SPHKAP: variants seen among roughly 807,000 people sequenced by gnomAD.
SPHKAP encodes A-kinase anchor protein SPHKAP.
A neutral mutation model predicts 137.5 loss-of-function variants in SPHKAP; 67 were observed. That is an observed-to-expected ratio of 0.49 (90% CI 0.40 to 0.60). The LOEUF (loss-of-function observed/expected upper bound fraction) is 0.60. SPHKAP is among the 20% of genes least tolerant of loss of function. The pLI is 0.00. For synonymous variants in SPHKAP, 813 were observed against 785.3 expected, an observed-to-expected ratio of 1.04 and a Z score of -0.59; for missense variants, 2,097 against 2,069.3, an observed-to-expected ratio of 1.01 and a Z score of -0.26.
At chr2:228,000,179 C>T (rs1010401295) in intron 7 of SPHKAP, among the ~76,000 whole-genome samples, 1 of 152,176 alleles carries the variant, frequency 6.6e-6, no homozygotes, top group African/African-American at 2.4e-5. Context: ...CATGTAGCGT[C>T]TTAAGATTGG....
chr2:228,180,442 C>G (rs1049529349), intron 1 of SPHKAP, among the ~76,000 whole-genome samples: 1 of 152,136 alleles, frequency 6.6e-6, no homozygotes, highest in East Asian at 1.9e-4. Context: ...CCATGTGTGC[C>G]CTGGCCAGTG....
In SPHKAP at chr2:228,150,623, CT is replaced by C. The variant is rs71299664; in HGVS notation, c.33-18539del. On this transcript the variant is annotated intron_variant, in intron 1 of 11. Transcript: ENST00000392056. ...TCTGTAATATCTATAATGATGTTTA[CT>C]TTTTTTTTCATTTTTATCATTGTTT... is the stretch of plus-strand genomic sequence containing the variant. Among the ~76,000 whole-genome samples the C allele has an allele frequency of 7.5e-5, 9 of 120,612 alleles. No individual in the cohort carries two copies. The East Asian group carries it at 1.4e-3, about 19-fold the overall frequency. 79.1% of individuals were successfully genotyped at this position (120,612 alleles called of 152,430 possible).
In SPHKAP at chr2:228,038,638, C is replaced by T. The variant is rs117523096; in HGVS notation, c.247-11095G>A. On this transcript the variant is annotated intron_variant, in intron 3 of 11. Transcript: ENST00000392056. The stretch of plus-strand genomic sequence containing the variant: ...AAGTATGTATTTTTACATAATTATC[C>T]TTTTTTCTTGAACATAGAAGTAGTG... Among the ~76,000 whole-genome samples the T allele has an allele frequency of 2.1e-3, 315 of 152,124 alleles. 7 individuals carry two copies. The East Asian group carries it at 0.05, about 24-fold the overall frequency.
At chr2:228,112,521 T>A (rs2106352225) in intron 2 of SPHKAP, among the ~76,000 whole-genome samples, 1 of 152,258 alleles carries the variant, frequency 6.6e-6, no homozygotes, top group East Asian at 1.9e-4. Context: ...CGAAACGCAA[T>A]TCACTTGGTG....
chr2:228,137,244 C>T (rs1699462224), intron 1 of SPHKAP, among the ~76,000 whole-genome samples: 1 of 152,206 alleles, frequency 6.6e-6, no homozygotes, highest in Non-Finnish European at 1.5e-5. Flanking sequence ...CAGGGGATCA[C>T]TTAGGACACA....
chr2:228,149,663 A>G (rs1699873246), intron 1 of SPHKAP, among the ~76,000 whole-genome samples: 1 of 152,098 alleles, frequency 6.6e-6, no homozygotes, highest in Non-Finnish European at 1.5e-5. Context: ...CTTTTTTTAG[A>G]TTTATTCCTA....
chr2:228,142,742 A>G (rs1699645901), intron 1 of SPHKAP, among the ~76,000 whole-genome samples: 1 of 152,160 alleles, frequency 6.6e-6, no homozygotes, highest in South Asian at 2.1e-4. Context: ...AAAAATAGCT[A>G]CTGAGTACTG....
intron 1 of SPHKAP, among the ~76,000 whole-genome samples, chr2:228,136,040 T>A (rs1224890205): frequency 3.3e-5 from 5 of 152,220 alleles, no homozygotes; most frequent in African/African-American, 1.2e-4. Flanking sequence ...TTTACAATGA[T>A]GCTGTCCGTG....
At chr2:228,149,707 G>A (rs574945321) in intron 1 of SPHKAP, among the ~76,000 whole-genome samples, 1 of 141,544 alleles carries the variant, frequency 7.1e-6, no homozygotes, top group East Asian at 2.3e-4. Context: ...ATTATAAATG[G>A]TTTCCTTTTT....
chr2:227,982,514 G>A (rs1328328112), intron 11 of SPHKAP, among the ~76,000 whole-genome samples: 1 of 152,164 alleles, frequency 6.6e-6, no homozygotes, highest in Non-Finnish European at 1.5e-5. Context: ...GTGAAATTGA[G>A]GGCTTGAAGG....
intron 3 of SPHKAP, among the ~76,000 whole-genome samples, chr2:228,087,542 G>T (rs1422809061): frequency 6.6e-6 from 1 of 151,376 alleles, no homozygotes; most frequent in South Asian, 2.1e-4. Flanking sequence ...GGTGCTTAAA[G>T]AAAAAAAGGT....
In SPHKAP at chr2:228,025,534, A is replaced by G. The variant is rs373153573; in HGVS notation, c.307-6T>C. 166 of 1,613,112 alleles carry G rather than the reference A, an allele frequency of 1.0e-4. No individual in the cohort carries two copies. The highest frequency in any genetic ancestry group is 1.4e-4 in the Non-Finnish European group (161 of 1,179,694). On this transcript the variant is annotated splice_polypyrimidine_tract_variant and splice_region_variant and intron_variant, in intron 4 of 11. Coordinates refer to ENST00000392056, the MANE Select transcript of SPHKAP (RefSeq NM_001142644.2). ...GGTGAAACGTTGACCAGTTTCTGTA[A>G]AGCAAGAATCTTTATTAGTTTAGCT...
At chr2:228,001,434 AATAT>A (rs372036392) in intron 7 of SPHKAP, among the ~76,000 whole-genome samples, 9,532 of 141,392 alleles carry the variant, frequency 0.067, 459 homozygotes, top group Middle Eastern at 0.2. Flanking sequence ...TACATATATA[AATAT>A]ATATATGTAT....
At chr2:228,059,787 G>A (rs1193736702) in intron 3 of SPHKAP, among the ~76,000 whole-genome samples, 1 of 152,210 alleles carries the variant, frequency 6.6e-6, no homozygotes, top group Non-Finnish European at 1.5e-5. Flanking sequence ...GTACAAAGAT[G>A]TAGAACATAG....
chr2:228,087,750 C>G (rs1403410613), intron 3 of SPHKAP, among the ~76,000 whole-genome samples: 1 of 151,950 alleles, frequency 6.6e-6, no homozygotes, highest in African/African-American at 2.4e-5. Context: ...GATATGCAAC[C>G]TGTAAAACAG....
At chr2:228,172,289 A>G (rs1245638063) in intron 1 of SPHKAP, among the ~76,000 whole-genome samples, 1 of 152,190 alleles carries the variant, frequency 6.6e-6, no homozygotes, top group East Asian at 1.9e-4. Flanking sequence ...GTGTGAATTG[A>G]TAACAGGATA....
chr2:228,105,792 C>G (rs558273584), intron 3 of SPHKAP, among the ~76,000 whole-genome samples: 185 of 152,230 alleles, frequency 1.2e-3, no homozygotes, highest in African/African-American at 4.2e-3. Context: ...TGAGTTGTGC[C>G]TTTTGCCTTC....
intron 8 of SPHKAP, among the ~76,000 whole-genome samples, chr2:227,994,938 G>A (rs777998362): frequency 4.1e-4 from 63 of 152,284 alleles, no homozygotes; most frequent in Admixed American, 6.5e-4. Flanking sequence ...AGAAACACAG[G>A]GAGTCTTTTA....
intron 3 of SPHKAP, among the ~76,000 whole-genome samples, chr2:228,028,195 T>G (rs1462975210): frequency 1.3e-5 from 2 of 152,128 alleles, no homozygotes; most frequent in Non-Finnish European, 2.9e-5. Flanking sequence ...AAAATAACTT[T>G]TTATGCTCTA....
Sources: gnomAD v4.1 joint callset for allele counts (sites outside exome capture counted in the v4.1 genomes callset) on GRCh38, gnomAD v4.1.1 for gene constraint, MANE v1.5 for transcripts, NCBI Gene and HGNC (gene_info 2026-07-23, HGNC 2026-07-21) for gene names.